Variants in AFF3 observed in about 807,000 individuals in gnomAD.
AFF3 encodes the protein ALF transcription elongation factor 3, also known as AF4/FMR2 family member 3.
Under a neutral mutation model 129.7 loss-of-function variants are expected in AFF3, and 32 were observed. The ratio of observed to expected loss-of-function variants is 0.25; its 90% CI spans 0.19 to 0.33. The LOEUF (loss-of-function observed/expected upper bound fraction) is 0.33, where lower values mean the gene tolerates loss of function less well. AFF3 is among the 10% of genes least tolerant of loss of function. The pLI is 1.00. For missense variants in AFF3, 1,373 were observed against 1,592.0 expected (o/e 0.86, Z 2.34); for synonymous variants, 644 against 635.4 (o/e 1.01, Z -0.20).
chr2:100,052,730 C>G (rs980689218), intron 4 of AFF3, among the ~76,000 whole-genome samples: 4 of 152,124 alleles, frequency 2.6e-5, no homozygotes, highest in Non-Finnish European at 4.4e-5. Context: ...AATAATGTAT[C>G]TGTATGTCCA....
Position 99,836,542 on chromosome 2 carries a change from A to G in AFF3, c.921+935T>C, listed in dbSNP as rs1688887985. Among the ~76,000 whole-genome samples, 5 of 152,286 alleles carry G rather than the reference A, an allele frequency of 3.3e-5. No individual in the cohort carries two copies. In the South Asian group the frequency reaches 8.3e-4, roughly 25 times the overall value. On this transcript the variant is annotated intron_variant, in intron 8 of 24. Coordinates refer to ENST00000672756, the MANE Select transcript of AFF3 (RefSeq NM_001386135.1). Reference sequence around the variant, plus strand: ...TTATTCTGGTCAACTTGAGACTTAGATTTATTTATGAAATAATGCTTTCCA... The same window carrying G: ...TTATTCTGGTCAACTTGAGACTTAGGTTTATTTATGAAATAATGCTTTCCA...
chr2:99,791,804 A>AT (rs1431617280), intron 8 of AFF3, among the ~76,000 whole-genome samples: 3 of 144,602 alleles, frequency 2.1e-5, no homozygotes, highest in African/African-American at 7.6e-5. Context: ...TTAGTGCCAT[A>AT]TTTTTTGCAA....
intron 7 of AFF3, among the ~76,000 whole-genome samples, chr2:99,892,015 G>A (rs6734477): frequency 0.028 from 4,305 of 152,166 alleles, 200 homozygotes; most frequent in African/African-American, 0.097. Flanking sequence ...GTAGAGACAG[G>A]GTTTCACCGT....
chr2:100,066,568 T>C (rs534417813), intron 4 of AFF3, among the ~76,000 whole-genome samples: 8 of 152,338 alleles, frequency 5.3e-5, no homozygotes, highest in South Asian at 2.1e-4. Flanking sequence ...ATACAGCTAC[T>C]AGATGTCAAT....
At chr2:100,010,702 G>A (rs1246620904) in intron 4 of AFF3, among the ~76,000 whole-genome samples, 1 of 152,108 alleles carries the variant, frequency 6.6e-6, no homozygotes, top group African/African-American at 2.4e-5. Flanking sequence ...TGGTGACAGT[G>A]ACCAGCCTAA....
chr2:99,976,093 C>T (rs2104464099), intron 7 of AFF3, among the ~76,000 whole-genome samples: 1 of 151,904 alleles, frequency 6.6e-6, no homozygotes, highest in East Asian at 1.9e-4. Context: ...GGAGTTAACG[C>T]CAATTCTTAT....
At chr2:99,844,206 C>T (rs541336359) in intron 7 of AFF3, among the ~76,000 whole-genome samples, 15 of 152,138 alleles carry the variant, frequency 9.9e-5, no homozygotes, top group Admixed American at 3.9e-4. Flanking sequence ...GAGGAGCAAA[C>T]CACAAACTAC....
chr2:100,096,493 G>A (rs2105446366), intron 4 of AFF3, among the ~76,000 whole-genome samples: 1 of 152,080 alleles, frequency 6.6e-6, no homozygotes, highest in South Asian at 2.1e-4. Flanking sequence ...ACACAAAGGT[G>A]TCCCCAAAAC....
intron 8 of AFF3, among the ~76,000 whole-genome samples, chr2:99,769,851 C>T (rs1402325642): frequency 1.3e-5 from 2 of 152,228 alleles, no homozygotes; most frequent in African/African-American, 4.8e-5. Flanking sequence ...CAAATGGAGT[C>T]TCTCTTTCTC....
intron 11 of AFF3, among the ~76,000 whole-genome samples, chr2:99,680,065 C>T (rs1004175588): frequency 1.3e-5 from 2 of 152,154 alleles, no homozygotes; most frequent in Non-Finnish European, 2.9e-5. Context: ...GTGCCACACA[C>T]GGTTTGTGTG....
intron 7 of AFF3, among the ~76,000 whole-genome samples, chr2:99,925,098 G>C (rs189004207): frequency 6.6e-6 from 1 of 151,860 alleles, no homozygotes; most frequent in Non-Finnish European, 1.5e-5. Context: ...GGATGGTCTC[G>C]AACTCCTGGG....
intron 2 of AFF3, among the ~76,000 whole-genome samples, chr2:100,117,193 A>C (rs572199087): frequency 1.9e-4 from 29 of 152,092 alleles, no homozygotes; most frequent in Non-Finnish European, 4.0e-4. Flanking sequence ...GGAAGTTCTT[A>C]GCCATTATCT....
At chr2:100,073,060 G>T (rs1188549075) in intron 4 of AFF3, among the ~76,000 whole-genome samples, 1 of 152,186 alleles carries the variant, frequency 6.6e-6, no homozygotes, top group Non-Finnish European at 1.5e-5. Flanking sequence ...CCTAACTTCA[G>T]CCTCAGAGGA....
At chr2:99,892,670 C>A (rs1027194620) in intron 7 of AFF3, among the ~76,000 whole-genome samples, 1 of 152,178 alleles carries the variant, frequency 6.6e-6, no homozygotes, top group Non-Finnish European at 1.5e-5. Context: ...CCCAGCAACA[C>A]CTGCCCTGGA....
intron 8 of AFF3, among the ~76,000 whole-genome samples, chr2:99,778,223 TCTC>T (rs1421739390): frequency 6.6e-6 from 1 of 152,110 alleles, no homozygotes; most frequent in African/African-American, 2.4e-5. Context: ...CTTCCTCTGG[TCTC>T]CTCCTCCTTC....
At chr2:99,735,181 C>CA (rs1286926276) in intron 10 of AFF3, among the ~76,000 whole-genome samples, 8 of 152,084 alleles carry the variant, frequency 5.3e-5, no homozygotes, top group African/African-American at 1.9e-4. Flanking sequence ...TATAATTTTG[C>CA]ACATAACATA....
intron 19 of AFF3, among the ~76,000 whole-genome samples, chr2:99,567,024 G>A (rs1380766964): frequency 4.0e-5 from 6 of 150,190 alleles, no homozygotes; most frequent in African/African-American, 1.5e-4. Flanking sequence ...CTGGAGTGCA[G>A]TGGCATGATC....
chr2:99,717,793 G>A (rs1678526476), intron 11 of AFF3, among the ~76,000 whole-genome samples: 1 of 152,170 alleles, frequency 6.6e-6, no homozygotes, highest in South Asian at 2.1e-4. Flanking sequence ...TAGTTGTAAA[G>A]ATACTGTCTT....
chr2:99,966,442 A>G (rs13410884), intron 7 of AFF3, among the ~76,000 whole-genome samples: 34,224 of 151,760 alleles, frequency 0.23, 5,681 homozygotes, highest in African/African-American at 0.46. Flanking sequence ...TGTAATCCCA[A>G]CACTTTGGGA....
Sources: gnomAD v4.1 joint callset for allele counts (sites outside exome capture counted in the v4.1 genomes callset) on GRCh38, gnomAD v4.1.1 for gene constraint, MANE v1.5 for transcripts, NCBI Gene and HGNC (gene_info 2026-07-23, HGNC 2026-07-21) for gene names.